NUP93: variants seen among roughly 807,000 people sequenced by gnomAD.
NUP93 encodes nuclear pore complex protein Nup93.
In NUP93, 55 loss-of-function variants were observed where a neutral mutation model predicts 107.8. The ratio of observed to expected loss-of-function variants is 0.51; its 90% CI spans 0.41 to 0.64. NUP93 has a LOEUF of 0.64. NUP93 is among the 30% of genes least tolerant of loss of function. NUP93 has a pLI of 0.00. For missense variants in NUP93, 937 were observed against 1,044.7 expected (o/e 0.90, Z 1.42); for synonymous variants, 390 against 397.5 (o/e 0.98, Z 0.22).
At chr16:56,740,125 T>C (rs1343542285) in intron 1 of NUP93, among the ~76,000 whole-genome samples, 18 of 128,232 alleles carry the variant, frequency 1.4e-4, no homozygotes, top group South Asian at 2.7e-4. Context: ...GGCGGGGGGC[T>C]GACCCCCCCA....
intron 8 of NUP93, among the ~76,000 whole-genome samples, chr16:56,827,040 G>A (rs570401487): frequency 0.016 from 148 of 9,496 alleles, 1 homozygote; most frequent in African/African-American, 0.071. Flanking sequence ...ATGAGACTCC[G>A]TCTCAAAAAA....
At chr16:56,830,829 C>T (rs993575423) in intron 10 of NUP93, 144 bp downstream of exon 10, 16 of 684,612 alleles carry the variant, frequency 2.3e-5, no homozygotes, top group Non-Finnish European at 3.1e-5. Flanking sequence ...GCAAATAGAA[C>T]TCTCTTGGGA....
intron 1 of NUP93, among the ~76,000 whole-genome samples, chr16:56,743,725 T>G (rs548774799): frequency 9.2e-5 from 14 of 152,310 alleles, no homozygotes; most frequent in Admixed American, 7.2e-4. Flanking sequence ...CCAGCCCCCT[T>G]GAAGCCTTCC....
chr16:56,818,837 C>A, intron 6 of NUP93, 99 bp downstream of exon 6: 1 of 977,504 alleles, frequency 1.0e-6, no homozygotes, highest in Non-Finnish European at 1.6e-6. Flanking sequence ...ACCCTGAAAG[C>A]AAGTTGTATT....
At chr16:56,783,765 A>G (rs946656965) in intron 3 of NUP93, 45 of 985,280 alleles carry the variant, frequency 4.6e-5, no homozygotes, top group Non-Finnish European at 5.3e-5. Flanking sequence ...ATGGCACAGG[A>G]GCTTTGTTAC....
At chr16:56,823,433 A>G (rs1241334526) in intron 7 of NUP93, among the ~76,000 whole-genome samples, 1 of 152,152 alleles carries the variant, frequency 6.6e-6, no homozygotes, top group African/African-American at 2.4e-5. Flanking sequence ...TGTGGTTTTA[A>G]TTATGTACGT....
chr16:56,828,912 T>C (rs1182153843), intron 8 of NUP93, 65 bp from the exon 9 acceptor site: 20 of 1,528,454 alleles, frequency 1.3e-5, no homozygotes, highest in Non-Finnish European at 1.5e-5. Flanking sequence ...GTCATGGATA[T>C]GGGCATAGAG....
Position 56,783,305 on chromosome 16 carries a change from C to A in NUP93, c.298-15171C>A, listed in dbSNP as rs145396588. ...GTGTGGGGACTTTCTTTACTCTTAA[C>A]AATAGGAAGACTTGAGGAGCTGTCA... is the stretch of plus-strand genomic sequence containing the variant. On this transcript the variant is annotated intron_variant, in intron 3 of 21. Transcript: ENST00000308159. 1.6e-3 allele frequency: 284 copies of A among 176,532 alleles called. 2 individuals are homozygous for A. Among genetic ancestry groups the A allele is most frequent in the African/African-American group, 6.3e-3 (266 of 41,934 alleles). 10.9% of individuals were successfully genotyped at this position (176,532 alleles called of 1,614,324 possible).
chr16:56,839,173 G>A, intron 19 of NUP93, 104 bp downstream of exon 19: 2 of 498,284 alleles, frequency 4.0e-6, no homozygotes, highest in Non-Finnish European at 6.7e-6. Flanking sequence ...TTGCCAGTAT[G>A]TTTGTTGTAT....
chr16:56,848,703 C>G lies in NUP93; in HGVS notation c.*4094C>G, dbSNP rs958639304. The G allele has an allele frequency of 6.6e-6, 1 of 152,162 alleles. No homozygotes were observed. The highest frequency in any genetic ancestry group is 2.4e-5 in the African/African-American group (1 of 41,446). 9.4% of individuals were successfully genotyped at this position (152,162 alleles called of 1,614,324 possible). Reference sequence around the variant, plus strand: ...TCTGTGCTGCTTTTTTGCCTTGTTACGCACATAACTTGTGACTGGCTAGAT... The same window carrying G: ...TCTGTGCTGCTTTTTTGCCTTGTTAGGCACATAACTTGTGACTGGCTAGAT... On this transcript the variant is annotated 3_prime_UTR_variant, in exon 22 of 22. Coordinates refer to ENST00000308159, the MANE Select transcript of NUP93 (RefSeq NM_014669.5).
At chr16:56,806,537 TCATTTCAAGGC>T (rs1567397244) in intron 5 of NUP93, among the ~76,000 whole-genome samples, 1 of 152,178 alleles carries the variant, frequency 6.6e-6, no homozygotes, top group Non-Finnish European at 1.5e-5. Context: ...GAGGCTGCAC[TCATTTCAAGGC>T]TAGACGCAAG....
intron 4 of NUP93, among the ~76,000 whole-genome samples, chr16:56,799,278 GCA>G (rs1962968576): frequency 6.6e-6 from 1 of 152,032 alleles, no homozygotes; most frequent in Non-Finnish European, 1.5e-5. Context: ...AATAAAAAAA[GCA>G]CACACGCGAA....
At chr16:56,842,678 A>T in intron 21 of NUP93, 1 of 439,868 alleles carries the variant, frequency 2.3e-6, no homozygotes, top group Non-Finnish European at 4.5e-6. Flanking sequence ...TCACCCTCCC[A>T]AGTAGCTGGG....
chr16:56,738,528 A>G (rs1056703731), intron 1 of NUP93, among the ~76,000 whole-genome samples: 3 of 152,180 alleles, frequency 2.0e-5, no homozygotes, highest in Admixed American at 2.0e-4. Context: ...TGTTTTCTCC[A>G]GAACTCTACC....
At chr16:56,841,031 A>G (rs915209689) in intron 20 of NUP93, among the ~76,000 whole-genome samples, 2 of 152,188 alleles carry the variant, frequency 1.3e-5, no homozygotes, top group South Asian at 2.1e-4. Context: ...TTTTAGAGAA[A>G]GAAGTAAGGC....
chr16:56,839,586 C>G lies in NUP93; in HGVS notation c.2202C>G (p.Phe734Leu). The G allele has an allele frequency of 1.2e-6, 2 of 1,613,656 alleles. No homozygotes were observed. Among genetic ancestry groups the G allele is most frequent in the African/African-American group, 2.7e-5 (2 of 75,016 alleles). ...QESVEERVAA[F>L]RNFSDEIRHN... ...GTGTGGAAGAGAGAGTGGCTGCCTTCAGAAATTTCAGTGATGAAGTAAGTT... is the reference window on the plus strand; with the variant it reads ...GTGTGGAAGAGAGAGTGGCTGCCTTGAGAAATTTCAGTGATGAAGTAAGTT... Residue 734 changes from phenylalanine to leucine, a missense_variant, in exon 20 of 22, where the codon TTC becomes TTG. Transcript: ENST00000308159.
chr16:56,803,061 G>A (rs1963055855), intron 4 of NUP93, among the ~76,000 whole-genome samples: 1 of 150,208 alleles, frequency 6.7e-6, no homozygotes, highest in Admixed American at 6.7e-5. Flanking sequence ...TAGCTTTTCA[G>A]TAACTTTGAG....
chr16:56,818,771 A>G, intron 6 of NUP93, 33 bp downstream of exon 6: 1 of 1,587,460 alleles, frequency 6.3e-7, no homozygotes, highest in Non-Finnish European at 8.6e-7. Context: ...TTAAGCCAGG[A>G]AAATCCTTTG....
At position 56,831,657 on chromosome 16, in the gene NUP93, G is replaced by A. The variant is rs1963788345; in HGVS notation, c.1086-185G>A. ...CGGCAGGCCAATAGATACAGGTGCA[G>A]GTAGTTGCAAGTCAGGTTAAAGCGA... On this transcript the variant is annotated intron_variant, in intron 10 of 21. Transcript: ENST00000308159. 10 of 576,674 alleles carry A rather than the reference G, an allele frequency of 1.7e-5. 1 individual carries two copies. Among genetic ancestry groups the A allele is most frequent in the Non-Finnish European group, 3.0e-5 (10 of 328,896 alleles). 35.7% of individuals were successfully genotyped at this position (576,674 alleles called of 1,614,324 possible).
Sources: allele counts gnomAD v4.1 joint callset (sites outside exome capture counted in the v4.1 genomes callset), GRCh38; gene constraint gnomAD v4.1.1; transcripts MANE v1.5; gene names NCBI Gene and HGNC (gene_info 2026-07-23, HGNC 2026-07-21).